Variants in BICD1 observed in about 807,000 individuals in gnomAD.
The protein encoded by BICD1 is BICD cargo adaptor 1, also known as protein bicaudal D homolog 1.
Under a neutral mutation model 92.5 loss-of-function variants are expected in BICD1, and 35 were observed. That is an observed-to-expected ratio of 0.38 (90% confidence interval 0.29 to 0.50). The LOEUF (loss-of-function observed/expected upper bound fraction) is 0.50, where lower values mean the gene tolerates loss of function less well. Ranked by LOEUF, BICD1 falls within the 20% of genes least tolerant of loss-of-function variation. The pLI is 0.93. For missense variants in BICD1, 950 were observed against 1,189.8 expected (o/e 0.80, Z 2.97); for synonymous variants, 429 against 465.1 (o/e 0.92, Z 1.00).
intron 2 of BICD1, among the ~76,000 whole-genome samples, chr12:32,262,776 A>G (rs1436573690): frequency 6.6e-6 from 1 of 152,236 alleles, no homozygotes; most frequent in Non-Finnish European, 1.5e-5. Flanking sequence ...CTGAAGGTGC[A>G]TGGCCCCTGC....
chr12:32,276,592 C>T (rs943615057), intron 2 of BICD1, among the ~76,000 whole-genome samples: 3 of 152,058 alleles, frequency 2.0e-5, no homozygotes, highest in Admixed American at 6.5e-5. Context: ...GAGCTGGCAA[C>T]GGCAACCCCC....
At chr12:32,277,630 G>A (rs1362098621) in intron 2 of BICD1, among the ~76,000 whole-genome samples, 1 of 152,150 alleles carries the variant, frequency 6.6e-6, no homozygotes, top group Non-Finnish European at 1.5e-5. Context: ...AAAGACTCTG[G>A]ATCAGAATGA....
chr12:32,176,986 C>T (rs1406054935), intron 1 of BICD1, among the ~76,000 whole-genome samples: 2 of 150,886 alleles, frequency 1.3e-5, no homozygotes, highest in Non-Finnish European at 2.9e-5. Flanking sequence ...TGTTTTTTAT[C>T]TAGTATTAAG....
At chr12:32,359,156 TA>T (rs1180918356) in intron 8 of BICD1, among the ~76,000 whole-genome samples, 1 of 152,240 alleles carries the variant, frequency 6.6e-6, no homozygotes, top group African/African-American at 2.4e-5. Context: ...CTTTCAAAAT[TA>T]AATGTTCTTG....
At chr12:32,367,767 C>A in intron 9 of BICD1, 22 bp downstream of exon 9, 1 of 1,602,284 alleles carries the variant, frequency 6.2e-7, no homozygotes, top group African/African-American at 1.3e-5. Context: ...TGTCCTTTCC[C>A]TTCCACCCAG....
intron 2 of BICD1, among the ~76,000 whole-genome samples, chr12:32,223,240 G>A (rs918462203): frequency 6.6e-6 from 1 of 152,142 alleles, no homozygotes; most frequent in African/African-American, 2.4e-5. Flanking sequence ...AGAGGCATCC[G>A]GGTGTGGTAG....
intron 1 of BICD1, among the ~76,000 whole-genome samples, chr12:32,113,720 T>C (rs1941784559): frequency 1.3e-5 from 2 of 150,790 alleles, no homozygotes; most frequent in African/African-American, 4.9e-5. Context: ...ATTTTTTTTT[T>C]TTTTTTTGAG....
chr12:32,166,333 A>C (rs1241990408), intron 1 of BICD1, among the ~76,000 whole-genome samples: 1 of 151,508 alleles, frequency 6.6e-6, no homozygotes, highest in Non-Finnish European at 1.5e-5. Context: ...ACGGGGTTTC[A>C]CCACGTTGGT....
intron 1 of BICD1, among the ~76,000 whole-genome samples, chr12:32,124,786 T>C (rs1239974652): frequency 6.6e-6 from 1 of 151,982 alleles, no homozygotes; most frequent in Non-Finnish European, 1.5e-5. Context: ...TGTCAGTGTC[T>C]GTGTTGTTGC....
At chr12:32,187,566 G>A (rs1944452754) in intron 1 of BICD1, among the ~76,000 whole-genome samples, 1 of 152,114 alleles carries the variant, frequency 6.6e-6, no homozygotes, top group African/African-American at 2.4e-5. Context: ...CAGCTACTCA[G>A]GAGGCTGAGG....
chr12:32,234,618 G>A (rs1481577699), intron 2 of BICD1, among the ~76,000 whole-genome samples: 2 of 141,844 alleles, frequency 1.4e-5, no homozygotes, highest in African/African-American at 2.6e-5. Context: ...AAGAAAGAAA[G>A]AAAGAAAGAA....
intron 3 of BICD1, among the ~76,000 whole-genome samples, chr12:32,305,135 T>C (rs1216430079): frequency 1.3e-5 from 2 of 152,242 alleles, no homozygotes. Flanking sequence ...CACATAACAA[T>C]GATCTTTGCA....
intron 2 of BICD1, among the ~76,000 whole-genome samples, chr12:32,232,448 T>C (rs1378082914): frequency 7.3e-5 from 11 of 151,054 alleles, no homozygotes; most frequent in Admixed American, 2.0e-4. Flanking sequence ...TGTTTTTTTC[T>C]TGTAAATTTG....
intron 8 of BICD1, among the ~76,000 whole-genome samples, chr12:32,364,113 T>C (rs528926652): frequency 6.6e-6 from 1 of 152,324 alleles, no homozygotes; most frequent in East Asian, 1.9e-4. Context: ...ATTTTCTCTG[T>C]TCACCTTTTT....
At chr12:32,238,510 G>A (rs1238744126) in intron 2 of BICD1, among the ~76,000 whole-genome samples, 3 of 152,210 alleles carry the variant, frequency 2.0e-5, no homozygotes, top group Non-Finnish European at 4.4e-5. Flanking sequence ...GATAAAGCAG[G>A]GGCAGGCTTT....
chr12:32,283,593 C>G (rs752584490), intron 2 of BICD1, among the ~76,000 whole-genome samples: 6 of 152,154 alleles, frequency 3.9e-5, no homozygotes, highest in Non-Finnish European at 5.9e-5. Context: ...AGTGAAGAAC[C>G]ACCGTTGTAG....
intron 2 of BICD1, among the ~76,000 whole-genome samples, chr12:32,243,448 T>C (rs1160921998): frequency 6.6e-6 from 1 of 151,882 alleles, no homozygotes; most frequent in East Asian, 1.9e-4. Context: ...TCCAGAAATA[T>C]AATTAAAATT....
intron 3 of BICD1, among the ~76,000 whole-genome samples, chr12:32,303,133 T>C (rs1429995104): frequency 6.6e-6 from 1 of 151,816 alleles, no homozygotes; most frequent in East Asian, 1.9e-4. Flanking sequence ...GAGGGTTTCA[T>C]TATGTTGCCC....
chr12:32,332,261 A>G (rs564263292), intron 5 of BICD1, among the ~76,000 whole-genome samples: 1 of 151,406 alleles, frequency 6.6e-6, no homozygotes, highest in East Asian at 2.0e-4. Flanking sequence ...CAGGAAAAAT[A>G]ACAAATGGAT....
Sources: gnomAD v4.1 joint callset for allele counts (sites outside exome capture counted in the v4.1 genomes callset) on GRCh38, gnomAD v4.1.1 for gene constraint, MANE v1.5 for transcripts, NCBI Gene and HGNC (gene_info 2026-07-23, HGNC 2026-07-21) for gene names.